DYM: variants seen among roughly 807,000 people sequenced by gnomAD.
DYM encodes dymeclin, also known as dyggve-Melchior-Clausen syndrome protein.
DYM carries 78 observed loss-of-function variants against 93.1 expected under a neutral mutation model. The ratio of observed to expected loss-of-function variants is 0.84; its 90% confidence interval spans 0.70 to 1.01. The LOEUF is 1.01. DYM is among the 50% of genes least tolerant of loss of function. The pLI, the probability that DYM is intolerant of heterozygous loss-of-function variation, is 0.00. For missense variants in DYM, 789 were observed against 845.0 expected (o/e 0.93, Z 0.82); for synonymous variants, 321 against 319.7 (o/e 1.00, Z -0.04).
chr18:49,055,704 G>A (rs1301302857), intron 17 of DYM, among the ~76,000 whole-genome samples: 2 of 152,184 alleles, frequency 1.3e-5, no homozygotes, highest in African/African-American at 4.8e-5. Context: ...CCAAAATGCC[G>A]AGGGCCAAAT....
rs1245362407 is a variant in DYM, at chr18:49,037,996, TTTA to T, written c.*6056_*6058del. On this transcript the variant is annotated 3_prime_UTR_variant, in exon 18 of 18. Transcript: ENST00000675505. ...CATGCCACCATGCCCAGTTAATTTTTTTATTTTTTGTAAAGGTGGGGCCTCATT... is the reference window on the plus strand; with the variant it reads ...CATGCCACCATGCCCAGTTAATTTTTTTTTTTGTAAAGGTGGGGCCTCATT... Among the ~76,000 whole-genome samples, 1 of 152,152 alleles carries T rather than the reference TTTA, an allele frequency of 6.6e-6. No individual in the cohort carries two copies. Among genetic ancestry groups the T allele is most frequent in the South Asian group, 2.1e-4 (1 of 4,830 alleles).
intron 17 of DYM, among the ~76,000 whole-genome samples, chr18:49,047,274 T>C (rs918067953): frequency 6.6e-6 from 1 of 152,236 alleles, no homozygotes. Flanking sequence ...TCTAGTTCAA[T>C]GAAACCTGTG....
intron 17 of DYM, among the ~76,000 whole-genome samples, chr18:49,086,846 G>C (rs991543390): frequency 4.6e-5 from 7 of 152,054 alleles, no homozygotes; most frequent in Non-Finnish European, 8.8e-5. Flanking sequence ...AAATTAGCCA[G>C]GCATGGTGGT....
intron 17 of DYM, among the ~76,000 whole-genome samples, chr18:49,045,640 A>ACAG (rs1241560897): frequency 6.6e-6 from 1 of 152,214 alleles, no homozygotes; most frequent in Non-Finnish European, 1.5e-5. Flanking sequence ...AGAGACAGAA[A>ACAG]CAGCAGCAGC....
chr18:49,171,118 G>A (rs2088660372), intron 14 of DYM, among the ~76,000 whole-genome samples: 1 of 152,140 alleles, frequency 6.6e-6, no homozygotes, highest in Non-Finnish European at 1.5e-5. Flanking sequence ...GGCGGAAGCT[G>A]GACTGCAGCG....
rs190289130 is a variant in DYM at position 49,414,834 on chromosome 18, T to C, written c.140+15421A>G. 1.1e-3 allele frequency among the ~76,000 whole-genome samples: 171 copies of C among 152,276 alleles called. 2 individuals are homozygous for C. Among genetic ancestry groups the C allele is most frequent in the African/African-American group, 4.0e-3 (167 of 41,562 alleles). On this transcript the variant is annotated intron_variant, in intron 2 of 17. Coordinates refer to ENST00000675505, the MANE Select transcript of DYM (RefSeq NM_001353214.3). ...TTCCAGAAATGACTTAACATATTTATTTGTTCACTTGTTTATCGCTCATCT... is the reference window on the plus strand; with the variant it reads ...TTCCAGAAATGACTTAACATATTTACTTGTTCACTTGTTTATCGCTCATCT...
At chr18:49,170,481 G>A (rs2088531108) in intron 14 of DYM, among the ~76,000 whole-genome samples, 1 of 152,076 alleles carries the variant, frequency 6.6e-6, no homozygotes, top group Non-Finnish European at 1.5e-5. Flanking sequence ...ATTGTGTAAT[G>A]TAAGAAAGAA....
chr18:49,275,042 G>A (rs1249578609), intron 10 of DYM, among the ~76,000 whole-genome samples: 1 of 152,032 alleles, frequency 6.6e-6, no homozygotes, highest in Non-Finnish European at 1.5e-5. Context: ...ATATCTAACA[G>A]TCATTTGCCA....
rs188729248 is a variant in DYM, at chr18:49,180,964, T to A, written c.1626-17177A>T. On this transcript the variant is annotated intron_variant, in intron 14 of 17. Coordinates refer to ENST00000675505, the MANE Select transcript of DYM (RefSeq NM_001353214.3). The stretch of plus-strand genomic sequence containing the variant: ...GCCAGCTATTCCAACTTGTTATATG[T>A]TAGCAACAAATTCTAACTTCAAAAA... 2.7e-4 allele frequency among the ~76,000 whole-genome samples: 41 copies of A among 152,302 alleles called. 1 individual carries two copies. In the East Asian group the frequency reaches 6.9e-3, roughly 26 times the overall value.
At chr18:49,051,302 G>C (rs1485267505) in intron 17 of DYM, among the ~76,000 whole-genome samples, 1 of 152,234 alleles carries the variant, frequency 6.6e-6, no homozygotes, top group Non-Finnish European at 1.5e-5. Flanking sequence ...GTGAGCCCAG[G>C]CTGGGGACAG....
chr18:49,440,935 AATATAT>A (rs1474121153), intron 1 of DYM, among the ~76,000 whole-genome samples: 1 of 456 alleles, frequency 2.2e-3, no homozygotes, highest in Non-Finnish European at 3.0e-3. Flanking sequence ...TATATTATAT[AATATAT>A]AATATATTAT....
intron 17 of DYM, among the ~76,000 whole-genome samples, chr18:49,081,948 G>T (rs916846089): frequency 6.6e-6 from 1 of 152,246 alleles, no homozygotes; most frequent in African/African-American, 2.4e-5. Context: ...CCCTCTTCAT[G>T]AGAGTCTCTG....
chr18:49,057,233 C>A (rs2075578607), intron 17 of DYM, among the ~76,000 whole-genome samples: 1 of 152,170 alleles, frequency 6.6e-6, no homozygotes, highest in South Asian at 2.1e-4. Flanking sequence ...AGCAATAACA[C>A]CATGGGCAGG....
intron 5 of DYM, among the ~76,000 whole-genome samples, chr18:49,363,939 T>A (rs1156836295): frequency 6.6e-6 from 1 of 152,254 alleles, no homozygotes; most frequent in Non-Finnish European, 1.5e-5. Flanking sequence ...GTCTTGGACA[T>A]TACTGACACC....
At chr18:49,166,645 T>C (rs562349869) in intron 14 of DYM, among the ~76,000 whole-genome samples, 24 of 151,908 alleles carry the variant, frequency 1.6e-4, no homozygotes, top group Admixed American at 7.2e-4. Context: ...TTATAAGACA[T>C]GTTTACATGG....
At chr18:49,168,862 G>A (rs1488325547) in intron 14 of DYM, among the ~76,000 whole-genome samples, 1 of 152,132 alleles carries the variant, frequency 6.6e-6, no homozygotes, top group Non-Finnish European at 1.5e-5. Flanking sequence ...AAGCAAACGG[G>A]GAGGAAGAGT....
At chr18:49,342,339 G>C (rs79026128) in intron 6 of DYM, among the ~76,000 whole-genome samples, 1 of 152,122 alleles carries the variant, frequency 6.6e-6, no homozygotes, top group Admixed American at 6.5e-5. Context: ...GACTGGGCCC[G>C]ACAGGATAAT....
intron 11 of DYM, among the ~76,000 whole-genome samples, chr18:49,263,735 G>GA (rs200707522): frequency 7.4e-5 from 11 of 149,636 alleles, no homozygotes; most frequent in South Asian, 6.3e-4. Context: ...TCTCAAAAAA[G>GA]AAAAAAAAAG....
Position 49,333,802 on chromosome 18 carries a change from G to A in DYM, c.546C>T (p.Phe182=). Reference sequence around the variant, plus strand: ...CTTTGTGGAAGAGTTGGCAGGAAAGGAAAACAACCATTGTTGATATAGCTT... The same window carrying A: ...CTTTGTGGAAGAGTTGGCAGGAAAGAAAAACAACCATTGTTGATATAGCTT... ...SVEAISTMVV[F]LSCQLFHKEV... is the part of the protein sequence containing the mutation. The change falls in exon 7 of 18, where the codon TTC becomes TTT. Residue 182 remains phenylalanine, a synonymous_variant. Transcript: ENST00000675505. The A allele has an allele frequency of 6.2e-7, 1 of 1,613,484 alleles. No individual in the cohort carries two copies. Among genetic ancestry groups the A allele is most frequent in the Non-Finnish European group, 8.5e-7 (1 of 1,179,522 alleles).
Sources: gnomAD v4.1 joint callset for allele counts (sites outside exome capture counted in the v4.1 genomes callset) on GRCh38, gnomAD v4.1.1 for gene constraint, MANE v1.5 for transcripts, NCBI Gene and HGNC (gene_info 2026-07-23, HGNC 2026-07-21) for gene names.